ZBTB20: variants seen among roughly 807,000 people sequenced by gnomAD.
ZBTB20 encodes zinc finger and BTB domain containing 20.
In ZBTB20, 9 loss-of-function variants were observed where a neutral mutation model predicts 56.9. That is an observed-to-expected ratio of 0.16 (90% confidence interval 0.10 to 0.28). The LOEUF (loss-of-function observed/expected upper bound fraction) is 0.28, where lower values mean the gene tolerates loss of function less well. Among genes scored for constraint, ZBTB20 ranks in the 10% least tolerant of loss-of-function variants. The pLI, the probability that ZBTB20 is intolerant of heterozygous loss-of-function variation, is 1.00. For synonymous variants in ZBTB20, 417 were observed against 420.7 expected, an observed-to-expected ratio of 0.99 and a Z score of 0.11; for missense variants, 655 against 1,003.0, an observed-to-expected ratio of 0.65 and a Z score of 4.69.
intron 7 of ZBTB20, among the ~76,000 whole-genome samples, chr3:114,460,828 T>C (rs1171510566): frequency 1.3e-5 from 2 of 152,190 alleles, no homozygotes; most frequent in Non-Finnish European, 1.5e-5. Flanking sequence ...TAAAAAATTA[T>C]TTTAGCAGAT....
intron 5 of ZBTB20, among the ~76,000 whole-genome samples, chr3:114,773,665 C>T (rs1301691759): frequency 2.6e-5 from 4 of 151,990 alleles, no homozygotes; most frequent in African/African-American, 4.8e-5. Context: ...CCACTCTCTT[C>T]AACAGGAAAA....
At chr3:114,543,872 T>C (rs1217390183) in intron 6 of ZBTB20, among the ~76,000 whole-genome samples, 2 of 152,198 alleles carry the variant, frequency 1.3e-5, no homozygotes, top group Non-Finnish European at 2.9e-5. Flanking sequence ...AGATTTTTCA[T>C]ACAAAAATTA....
chr3:114,384,626 A>T (rs896919482), intron 8 of ZBTB20, among the ~76,000 whole-genome samples: 3 of 152,204 alleles, frequency 2.0e-5, no homozygotes, highest in Non-Finnish European at 4.4e-5. Context: ...GGCTGCTTCA[A>T]GAATTGGGAG....
intron 1 of ZBTB20, among the ~76,000 whole-genome samples, chr3:115,095,546 C>T (rs896915611): frequency 9.2e-5 from 14 of 152,128 alleles, no homozygotes; most frequent in Admixed American, 3.3e-4. Flanking sequence ...TTCATTATTA[C>T]AGTTGAACAG....
At chr3:114,644,697 T>C (rs940243697) in intron 6 of ZBTB20, among the ~76,000 whole-genome samples, 4 of 152,150 alleles carry the variant, frequency 2.6e-5, no homozygotes, top group Non-Finnish European at 5.9e-5. Flanking sequence ...CTCATTACCA[T>C]AGGAATTAGG....
intron 5 of ZBTB20, among the ~76,000 whole-genome samples, chr3:114,695,818 T>C (rs2062974134): frequency 6.6e-6 from 1 of 152,022 alleles, no homozygotes; most frequent in Non-Finnish European, 1.5e-5. Flanking sequence ...CAAAACTGCA[T>C]ATTGGAATCC....
At chr3:114,378,996 A>C (rs994043134) in intron 10 of ZBTB20, 4 of 152,182 alleles carry the variant, frequency 2.6e-5, no homozygotes, top group African/African-American at 9.7e-5. Context: ...GTCTTAGCCC[A>C]ACCTTAAATA....
chr3:114,634,222 G>A (rs1215083317), intron 6 of ZBTB20, among the ~76,000 whole-genome samples: 3 of 152,140 alleles, frequency 2.0e-5, no homozygotes, highest in Non-Finnish European at 4.4e-5. Flanking sequence ...TTTTAGAAGA[G>A]TTATTTTAAA....
intron 6 of ZBTB20, among the ~76,000 whole-genome samples, chr3:114,585,102 A>G (rs80144872): frequency 0.029 from 4,376 of 152,146 alleles, 218 homozygotes; most frequent in African/African-American, 0.099. Flanking sequence ...ACACTCGAGG[A>G]ACCCCAAGTG....
At chr3:114,695,491 T>C (rs1294832410) in intron 5 of ZBTB20, among the ~76,000 whole-genome samples, 3 of 152,024 alleles carry the variant, frequency 2.0e-5, no homozygotes, top group Non-Finnish European at 4.4e-5. Flanking sequence ...AAATGGAAGC[T>C]ATTCTGACAA....
intron 3 of ZBTB20, among the ~76,000 whole-genome samples, chr3:114,926,098 T>C (rs1430356040): frequency 6.6e-6 from 1 of 152,214 alleles, no homozygotes; most frequent in Non-Finnish European, 1.5e-5. Context: ...TCTGTCTCTT[T>C]ACTTTCCTAT....
intron 7 of ZBTB20, among the ~76,000 whole-genome samples, chr3:114,419,643 G>T (rs1316020643): frequency 6.6e-6 from 1 of 151,992 alleles, no homozygotes; most frequent in African/African-American, 2.4e-5. Context: ...TATTTTACAG[G>T]ATTTAGACTT....
intron 1 of ZBTB20, among the ~76,000 whole-genome samples, chr3:115,096,480 A>G (rs1308318643): frequency 2.0e-5 from 3 of 152,240 alleles, no homozygotes; most frequent in Non-Finnish European, 1.5e-5. Context: ...GTGACCTCCA[A>G]GATAAACCAG....
intron 7 of ZBTB20, among the ~76,000 whole-genome samples, chr3:114,421,933 G>T (rs537520480): frequency 6.6e-6 from 1 of 151,330 alleles, no homozygotes; most frequent in African/African-American, 2.4e-5. Flanking sequence ...ACTTTGTTTC[G>T]GGCTGTATCT....
intron 5 of ZBTB20, among the ~76,000 whole-genome samples, chr3:114,736,521 T>C (rs183289803): frequency 6.6e-6 from 1 of 152,310 alleles, no homozygotes; most frequent in East Asian, 1.9e-4. Flanking sequence ...AGGCGTTCAT[T>C]TTGGTAGTTC....
intron 1 of ZBTB20, among the ~76,000 whole-genome samples, chr3:115,075,154 C>T (rs7639234): frequency 1 from 152,171 of 152,236 alleles, 76,053 homozygotes; most frequent in Non-Finnish European, 1. Context: ...CTTAGCAAAT[C>T]TTAATAGTAC....
At chr3:114,854,577 G>A (rs2075153452) in intron 4 of ZBTB20, among the ~76,000 whole-genome samples, 1 of 152,200 alleles carries the variant, frequency 6.6e-6, no homozygotes. Flanking sequence ...AAAAGAGAAA[G>A]CAGCTTTGGA....
At chr3:115,120,786 T>A (rs988452666) in intron 1 of ZBTB20, among the ~76,000 whole-genome samples, 12 of 152,006 alleles carry the variant, frequency 7.9e-5, no homozygotes, top group Admixed American at 7.9e-4. Context: ...CTGTAACAGA[T>A]TGGCACCATA....
intron 4 of ZBTB20, among the ~76,000 whole-genome samples, chr3:114,879,933 T>C (rs1230355514): frequency 6.6e-6 from 1 of 152,146 alleles, no homozygotes; most frequent in East Asian, 1.9e-4. Context: ...AAATGAAAGA[T>C]GATATATATG....
Sources: allele counts gnomAD v4.1 joint callset (sites outside exome capture counted in the v4.1 genomes callset), GRCh38; gene constraint gnomAD v4.1.1; transcripts MANE v1.5; gene names NCBI Gene and HGNC (gene_info 2026-07-23, HGNC 2026-07-21).